The following AGPAT3 variants were observed in gnomAD, a reference collection of about 807,000 sequenced individuals.
The protein encoded by AGPAT3 is 1-acyl-sn-glycerol-3-phosphate acyltransferase gamma.
Under a neutral mutation model 47.3 loss-of-function variants are expected in AGPAT3, and 5 were observed. That is an observed-to-expected ratio of 0.11 (90% CI 0.06 to 0.22). The LOEUF (loss-of-function observed/expected upper bound fraction) is 0.22. AGPAT3 is among the 10% of genes least tolerant of loss of function. The pLI is 1.00. For missense variants in AGPAT3, 315 were observed against 493.0 expected, an observed-to-expected ratio of 0.64 and a Z score of 3.42; for synonymous variants, 212 against 208.3, an observed-to-expected ratio of 1.02 and a Z score of -0.15.
intron 1 of AGPAT3, among the ~76,000 whole-genome samples, chr21:43,876,801 C>T (rs1034994945): frequency 9.2e-5 from 14 of 152,100 alleles, no homozygotes; most frequent in Admixed American, 7.9e-4. Context: ...CCACTGAGCA[C>T]GTCATTATCA....
At position 43,968,109 on chromosome 21, in the gene AGPAT3, G is replaced by A; in HGVS notation, c.342G>A (p.Val114=). The change falls in exon 4 of 10, where the codon GTG becomes GTA. Residue 114 remains valine (V), a synonymous_variant. Coordinates refer to ENST00000291572, the MANE Select transcript of AGPAT3 (RefSeq NM_020132.5). ...GGACCATGTGTGAGCGCTTCGGAGTGCTGGGGGTGAGCGGGGACCTGGGGA... is the reference window on the plus strand; with the variant it reads ...GGACCATGTGTGAGCGCTTCGGAGTACTGGGGGTGAGCGGGGACCTGGGGA... ...CGWTMCERFG[V]LGSSKVLAKK... 1 of 1,613,552 alleles carries A rather than the reference G, an allele frequency of 6.2e-7. No homozygotes were observed. The highest frequency in any genetic ancestry group is 2.2e-5 in the East Asian group (1 of 44,838).
At chr21:43,883,581 G>A (rs900761979) in intron 1 of AGPAT3, among the ~76,000 whole-genome samples, 7 of 152,030 alleles carry the variant, frequency 4.6e-5, no homozygotes, top group East Asian at 1.9e-4. Flanking sequence ...TCAGTATTCC[G>A]TTTTTTTGTT....
Position 43,978,074 on chromosome 21 carries a change from G to T in AGPAT3, c.796G>T (p.Asp266Tyr), listed in dbSNP as rs917477491. Residue 266 changes from aspartate (D) to tyrosine (Y), a missense_variant, in exon 8 of 10, where the codon GAT becomes TAT. Asp to Tyr is a radical substitution (Grantham distance 160). Coordinates refer to ENST00000291572, the MANE Select transcript of AGPAT3 (RefSeq NM_020132.5). ...RRFPLEDIPLDEKEAAQWLHK... is the reference protein window; with the variant it reads ...RRFPLEDIPLYEKEAAQWLHK... Reference sequence around the variant, plus strand: ...ATTTCCTCTGGAAGACATCCCGCTGGATGAAAAGGAAGCAGCTCAGTGGCT... The same window carrying T: ...ATTTCCTCTGGAAGACATCCCGCTGTATGAAAAGGAAGCAGCTCAGTGGCT... 2.5e-6 allele frequency: 4 copies of T among 1,613,678 alleles called. No individual in the cohort carries two copies. Among genetic ancestry groups the T allele is most frequent in the Non-Finnish European group, 3.4e-6 (4 of 1,179,918 alleles).
chr21:43,946,879 C>T (rs2087916882), intron 2 of AGPAT3: 1 of 152,362 alleles, frequency 6.6e-6, no homozygotes, highest in African/African-American at 2.4e-5. Context: ...TGTGCCCTAG[C>T]ATGGGAAGCG....
At chr21:43,883,588 T>C (rs1311494947) in intron 1 of AGPAT3, among the ~76,000 whole-genome samples, 1 of 152,168 alleles carries the variant, frequency 6.6e-6, no homozygotes, top group Non-Finnish European at 1.5e-5. Flanking sequence ...TCCGTTTTTT[T>C]GTTTTGTTTT....
chr21:43,973,973 C>T (rs1381897133), intron 7 of AGPAT3, among the ~76,000 whole-genome samples: 1 of 152,154 alleles, frequency 6.6e-6, no homozygotes, highest in Non-Finnish European at 1.5e-5. Flanking sequence ...TTTATATTTA[C>T]TTTTTATCTT....
intron 2 of AGPAT3, among the ~76,000 whole-genome samples, chr21:43,916,792 C>T (rs776099784): frequency 6.6e-6 from 1 of 152,124 alleles, no homozygotes; most frequent in East Asian, 1.9e-4. Context: ...CATGCACGTT[C>T]GCACACACAG....
intron 1 of AGPAT3, among the ~76,000 whole-genome samples, chr21:43,888,279 A>G (rs1283586210): frequency 2.0e-5 from 3 of 152,116 alleles, no homozygotes; most frequent in East Asian, 1.9e-4. Context: ...GGCTCAAGCA[A>G]TCCTCCTGTC....
chr21:43,896,364 C>T (rs754559184), intron 1 of AGPAT3, among the ~76,000 whole-genome samples: 18 of 152,338 alleles, frequency 1.2e-4, no homozygotes, highest in African/African-American at 2.4e-4. Flanking sequence ...GCCCAGCACA[C>T]GGTCAGATTT....
At position 43,954,121 on chromosome 21, in the gene AGPAT3, T is replaced by G. The variant is rs888107290; in HGVS notation, c.-48-5513T>G. On this transcript the variant is annotated intron_variant, in intron 2 of 9. Coordinates refer to ENST00000291572, the MANE Select transcript of AGPAT3 (RefSeq NM_020132.5). The surrounding 1 kb of genome is among the most constrained non-coding windows in gnomAD (Gnocchi z 4.0). ...ACGAGCAAATGCTCTAGGGGGCCAC[T>G]GAGTCCAGGCCCCTCCCAATGCTTT... Among the ~76,000 whole-genome samples the G allele has an allele frequency of 7.2e-5, 11 of 152,268 alleles. No individual in the cohort carries two copies. The highest frequency in any genetic ancestry group is 2.7e-4 in the African/African-American group (11 of 41,478).
At chr21:43,900,881 G>A (rs2146002547) in intron 1 of AGPAT3, among the ~76,000 whole-genome samples, 1 of 152,284 alleles carries the variant, frequency 6.6e-6, no homozygotes, top group African/African-American at 2.4e-5. Flanking sequence ...ACAAAGCCCG[G>A]AGATGCAGGA....
At position 43,969,409 on chromosome 21, in the gene AGPAT3, G is replaced by A; in HGVS notation, c.510+130G>A. 5 of 1,226,008 alleles carry A rather than the reference G, an allele frequency of 4.1e-6. No individual in the cohort carries two copies. In the South Asian group the frequency reaches 5.9e-5, roughly 14 times the overall value. 75.9% of individuals were successfully genotyped at this position (1,226,008 alleles called of 1,614,324 possible). A position where few individuals can be genotyped will look rare whatever the true frequency, so the allele number is the denominator to read the frequency against. ...TCTGCACATGGGGTGCTGTTTCCAT[G>A]GGGCCATGACTCCCCCATCTGAGCT... On this transcript the variant is annotated intron_variant, in intron 5 of 9. Coordinates refer to ENST00000291572, the MANE Select transcript of AGPAT3 (RefSeq NM_020132.5).
chr21:43,898,926 C>T (rs1013842855), intron 1 of AGPAT3, among the ~76,000 whole-genome samples: 5 of 151,730 alleles, frequency 3.3e-5, no homozygotes, highest in African/African-American at 7.3e-5. Context: ...ATGTTGTTCA[C>T]GCTGGTCTCA....
Position 43,880,280 on chromosome 21 carries a change from AGAGCCC to A in AGPAT3, c.-112+14939_-112+14944del. On this transcript the variant is annotated intron_variant, in intron 1 of 9. Coordinates refer to ENST00000291572, the MANE Select transcript of AGPAT3 (RefSeq NM_020132.5). The surrounding 1 kb of genome is among the most constrained non-coding windows in gnomAD (Gnocchi z 4.5). Reference sequence around the variant, plus strand: ...CTGAGGGCAGCAACTGTTGTCCCCTAGAGCCCGAGATCTGGGAGCGGCAGGGGCAGC... The same window carrying A: ...CTGAGGGCAGCAACTGTTGTCCCCTAGAGATCTGGGAGCGGCAGGGGCAGC... 6.6e-6 allele frequency among the ~76,000 whole-genome samples: 1 copy of A among 152,306 alleles called. No homozygotes were observed. The highest frequency in any genetic ancestry group is 1.5e-5 in the Non-Finnish European group (1 of 68,026).
intron 1 of AGPAT3, among the ~76,000 whole-genome samples, chr21:43,877,222 G>A (rs564666546): frequency 1.2e-4 from 18 of 152,194 alleles, no homozygotes; most frequent in Admixed American, 5.9e-4. Context: ...ACCTTTTGTC[G>A]ACTTCCCTGT....
In AGPAT3 at chr21:43,986,501, G is replaced by C. The variant is rs2030313312; in HGVS notation, c.*4109G>C. The C allele has an allele frequency of 6.6e-5, 10 of 152,632 alleles. No homozygotes were observed. The highest frequency in any genetic ancestry group is 5.9e-4 in the Admixed American group (9 of 15,276). 9.5% of individuals were successfully genotyped at this position (152,632 alleles called of 1,614,324 possible). A position where few individuals can be genotyped will look rare whatever the true frequency, so the allele number is the denominator to read the frequency against. ...ATGAGATACTGAAATGCACTAAATT[G>C]TATTACATTAAACTGGAGTTACTTG... is the stretch of plus-strand genomic sequence containing the variant. On this transcript the variant is annotated 3_prime_UTR_variant, in exon 10 of 10. Coordinates refer to ENST00000291572, the MANE Select transcript of AGPAT3 (RefSeq NM_020132.5).
chr21:43,930,039 A>G lies in AGPAT3; in HGVS notation c.-49+26020A>G, dbSNP rs1293227455. On this transcript the variant is annotated intron_variant, in intron 2 of 9. Coordinates refer to ENST00000291572, the MANE Select transcript of AGPAT3 (RefSeq NM_020132.5). The surrounding 1 kb of genome is among the most constrained non-coding windows in gnomAD (Gnocchi z 5.0). ...TTGAGTGACTGTCCTCCTGGAACCC[A>G]GGGTGCCTTGTCCTGGCACTTCTGT... Among the ~76,000 whole-genome samples the G allele has an allele frequency of 6.6e-6, 1 of 152,234 alleles. No homozygotes were observed. Among genetic ancestry groups the G allele is most frequent in the Non-Finnish European group, 1.5e-5 (1 of 68,044 alleles).
intron 7 of AGPAT3, among the ~76,000 whole-genome samples, chr21:43,977,037 A>C (rs2089644786): frequency 6.6e-6 from 1 of 152,258 alleles, no homozygotes; most frequent in African/African-American, 2.4e-5. Flanking sequence ...CTTTTAAAAT[A>C]AGAGCTGTAA....
At chr21:43,960,583 G>C in intron 3 of AGPAT3, 1 of 182,198 alleles carries the variant, frequency 5.5e-6, no homozygotes, top group Non-Finnish European at 1.0e-5. Flanking sequence ...AACTGGACAG[G>C]TGTTCTCATT....
Sources: gnomAD v4.1 joint callset for allele counts (sites outside exome capture counted in the v4.1 genomes callset) on GRCh38, gnomAD v4.1.1 for gene constraint, Gnocchi (gnomAD v3.1) non-coding constraint, MANE v1.5 for transcripts, NCBI Gene and HGNC (gene_info 2026-07-23, HGNC 2026-07-21) for gene names.